The following PSG7 variants were observed in gnomAD, a reference collection of about 807,000 sequenced individuals.
PSG7 encodes pregnancy-specific beta-1-glycoprotein 7.
A neutral mutation model predicts 45.6 loss-of-function variants in PSG7; 57 were observed. The observed-to-expected ratio is 1.25, with a 90% CI of 1.01 to 1.56. The LOEUF (loss-of-function observed/expected upper bound fraction) is 1.56. Among genes scored for constraint, PSG7 ranks in the 40% most tolerant of loss-of-function variants. PSG7 has a pLI of 0.00. For missense variants in PSG7, 796 were observed against 508.4 expected (o/e 1.57, Z -5.44); for synonymous variants, 298 against 194.4 (o/e 1.53, Z -4.43).
intron 2 of PSG7, among the ~76,000 whole-genome samples, chr19:42,930,829 A>G (rs922528563): frequency 6.6e-6 from 1 of 151,546 alleles, no homozygotes; most frequent in African/African-American, 2.4e-5. Flanking sequence ...AGGGGGTTCT[A>G]GAGATCTCCT....
chr19:42,927,437 A>G (rs1319575458), intron 3 of PSG7: 2 of 152,522 alleles, frequency 1.3e-5, no homozygotes, highest in African/African-American at 4.9e-5. Context: ...GAGCAGAAGC[A>G]TGTTCCCTGT....
chr19:42,927,651 C>G (rs1956282178), intron 3 of PSG7: 1 of 151,602 alleles, frequency 6.6e-6, no homozygotes, highest in South Asian at 2.1e-4. Context: ...CAAATATTTT[C>G]TTTCACTGGA....
intron 2 of PSG7, among the ~76,000 whole-genome samples, chr19:42,932,758 G>T (rs1973047310): frequency 6.6e-6 from 1 of 151,486 alleles, no homozygotes; most frequent in Admixed American, 6.6e-5. Flanking sequence ...TTTGCCCAGG[G>T]ACTGCCTTGG....
chr19:42,933,871 G>T (rs1201255325), intron 2 of PSG7, among the ~76,000 whole-genome samples: 2 of 151,314 alleles, frequency 1.3e-5, no homozygotes, highest in Non-Finnish European at 2.9e-5. Flanking sequence ...ACATGAGGTG[G>T]GGTGGCTTTA....
intron 2 of PSG7, among the ~76,000 whole-genome samples, chr19:42,930,207 C>T (rs1828696415): frequency 6.6e-6 from 1 of 151,648 alleles, no homozygotes; most frequent in Non-Finnish European, 1.5e-5. Context: ...TACTGGAAAG[C>T]CTGGCCTGGG....
At position 42,937,041 on chromosome 19, in the gene PSG7, A is replaced by G. The variant is rs377641027; in HGVS notation, c.36T>C (p.His12=). ...GPLSAPPCTQ[H]ITWKGLLLTA... The stretch of plus-strand genomic sequence containing the variant: ...TGAGCAGGAGCCCTTTCCAGGTTAT[A>G]TGCTGTGTGCAGGGAGGGGCTGAGA... Residue 12 remains histidine, a synonymous_variant, in exon 1 of 6, where the codon CAT becomes CAC. Coordinates refer to ENST00000406070, the MANE Select transcript of PSG7 (RefSeq NM_002783.3). The G allele has an allele frequency of 7.6e-4, 1,219 of 1,611,402 alleles. 23 individuals are homozygous for G. Among genetic ancestry groups the G allele is most frequent in the Non-Finnish European group, 8.9e-4 (1,053 of 1,178,502 alleles).
chr19:42,931,711 C>A lies in PSG7; in HGVS notation c.431-1991G>T, dbSNP rs1197493597. Among the ~76,000 whole-genome samples, 10 of 151,422 alleles carry A rather than the reference C, an allele frequency of 6.6e-5. 1 individual carries two copies. The highest frequency in any genetic ancestry group is 1.5e-4 in the Non-Finnish European group (10 of 67,864). ...ATCATGAGGAAACAGTTGTATGTGG[C>A]ACAGGCAGTAAAACCATGAGATAGC... On this transcript the variant is annotated intron_variant, in intron 2 of 5. Coordinates refer to ENST00000406070, the MANE Select transcript of PSG7 (RefSeq NM_002783.3).
In PSG7 at chr19:42,926,866, T is replaced by C. The variant is rs1972905745; in HGVS notation, c.710-150A>G. ...GTGTGTGTGTCACAAGGTAGATGCA[T>C]GATGATCTAAGGGCTCAAAGACTGT... On this transcript the variant is annotated intron_variant, in intron 3 of 5. Coordinates refer to ENST00000406070, the MANE Select transcript of PSG7 (RefSeq NM_002783.3). 1.5e-5 allele frequency: 21 copies of C among 1,400,800 alleles called. 1 individual carries two copies. The highest frequency in any genetic ancestry group is 1.9e-5 in the Non-Finnish European group (20 of 1,034,086). 86.8% of individuals were successfully genotyped at this position (1,400,800 alleles called of 1,614,324 possible). A position where few individuals can be genotyped will look rare whatever the true frequency, so the allele number is the denominator to read the frequency against.
chr19:42,934,875 G>A (rs972046038), intron 2 of PSG7, among the ~76,000 whole-genome samples: 4 of 151,710 alleles, frequency 2.6e-5, no homozygotes, highest in African/African-American at 4.8e-5. Context: ...GCCCTGGCTG[G>A]TGAACAGCTG....
intron 2 of PSG7, among the ~76,000 whole-genome samples, chr19:42,932,509 G>T (rs898567168): frequency 6.6e-6 from 1 of 151,350 alleles, no homozygotes; most frequent in African/African-American, 2.4e-5. Context: ...GGTGAAATGA[G>T]CCCATGGGCT....
intron 2 of PSG7, among the ~76,000 whole-genome samples, chr19:42,930,105 C>T (rs866006486): frequency 2.0e-5 from 3 of 151,668 alleles, no homozygotes; most frequent in Non-Finnish European, 1.5e-5. Context: ...TCTTACTTTG[C>T]CCCCTGTGGT....
chr19:42,926,351 G>C, intron 4 of PSG7, 87 bp downstream of exon 4: 2 of 1,580,302 alleles, frequency 1.3e-6, no homozygotes, highest in Non-Finnish European at 1.7e-6. Flanking sequence ...GGACCGGAGA[G>C]AGACTGAGAG....
At chr19:42,924,957 G>C (rs1972493724) in intron 5 of PSG7, 133 bp from the exon 6 acceptor site, 1 of 682,142 alleles carries the variant, frequency 1.5e-6, no homozygotes, top group Admixed American at 2.2e-5. Context: ...AATTTCAGTA[G>C]AATAAGTTTG....
intron 2 of PSG7, among the ~76,000 whole-genome samples, chr19:42,933,369 A>T (rs189644989): frequency 0.015 from 1,957 of 126,798 alleles, 78 homozygotes; most frequent in African/African-American, 0.055. Flanking sequence ...TCTGGCAATT[A>T]TAAGAGTGGA....
chr19:42,931,345 A>G (rs1367622171), intron 2 of PSG7, among the ~76,000 whole-genome samples: 4 of 145,672 alleles, frequency 2.7e-5, no homozygotes, highest in African/African-American at 1.0e-4. Flanking sequence ...GCCAAAGGTG[A>G]TTTGAATTAG....
intron 2 of PSG7, among the ~76,000 whole-genome samples, chr19:42,933,765 C>A (rs573187210): frequency 6.6e-6 from 1 of 151,174 alleles, no homozygotes; most frequent in African/African-American, 2.4e-5. Flanking sequence ...GAGGGCTACA[C>A]TGACTTCAGT....
Position 42,927,070 on chromosome 19 carries a change from G to T in PSG7, c.710-354C>A, listed in dbSNP as rs115414361. ...GGTTCATTACCTGGAATGTGCAACT[G>T]CTGGGCCCTTTCCAAATTGCATCCT... is the stretch of plus-strand genomic sequence containing the variant. On this transcript the variant is annotated intron_variant, in intron 3 of 5. Coordinates refer to ENST00000406070, the MANE Select transcript of PSG7 (RefSeq NM_002783.3). The T allele has an allele frequency of 8.6e-3, 2,895 of 336,566 alleles. 134 individuals are homozygous for T. Among genetic ancestry groups the T allele is most frequent in the African/African-American group, 0.055 (2,673 of 48,548 alleles). 20.8% of individuals were successfully genotyped at this position (336,566 alleles called of 1,614,324 possible).
chr19:42,933,266 A>ATATATATATATATATATATAT (rs1973060126), intron 2 of PSG7, among the ~76,000 whole-genome samples: 6 of 15,746 alleles, frequency 3.8e-4, no homozygotes, highest in Admixed American at 1.4e-3. Context: ...TCACCATTTC[A>ATATATATATATATATATATAT]ATATATATAT....
At chr19:42,935,898 A>ACACG (rs1973142235) in intron 1 of PSG7, 129 bp from the exon 2 acceptor site, 3 of 1,276,798 alleles carry the variant, frequency 2.3e-6, no homozygotes, top group Admixed American at 2.4e-5. Flanking sequence ...ACACACACAC[A>ACACG]CACACACACA....
Sources: allele counts gnomAD v4.1 joint callset (sites outside exome capture counted in the v4.1 genomes callset), GRCh38; gene constraint gnomAD v4.1.1; transcripts MANE v1.5; gene names NCBI Gene and HGNC (gene_info 2026-07-23, HGNC 2026-07-21).